The following TOX2 variants were observed in gnomAD, a reference collection of about 807,000 sequenced individuals.
The protein encoded by TOX2 is TOX high mobility group box family member 2, also known as granulosa cell HMG box 1.
Under a neutral mutation model 47.4 loss-of-function variants are expected in TOX2, and 15 were observed. That is an observed-to-expected ratio of 0.32 (90% CI 0.21 to 0.49). The LOEUF (loss-of-function observed/expected upper bound fraction) is 0.49. TOX2 is among the 20% of genes least tolerant of loss of function. The pLI, the probability that TOX2 is intolerant of heterozygous loss-of-function variation, is 0.99. For missense variants in TOX2, 622 were observed against 673.1 expected, an observed-to-expected ratio of 0.92 and a Z score of 0.84; for synonymous variants, 290 against 296.6, an observed-to-expected ratio of 0.98 and a Z score of 0.23.
At chr20:44,037,507 G>A (rs1377231957) in intron 3 of TOX2, among the ~76,000 whole-genome samples, 1 of 152,088 alleles carries the variant, frequency 6.6e-6, no homozygotes, top group Non-Finnish European at 1.5e-5. Context: ...GCAGAATTCT[G>A]GCTTTCCCAC....
chr20:44,039,956 G>C (rs578130659), intron 3 of TOX2, among the ~76,000 whole-genome samples: 1 of 152,176 alleles, frequency 6.6e-6, no homozygotes, highest in Non-Finnish European at 1.5e-5. Context: ...GCCGAGGGCC[G>C]GGGGGCAGGG....
intron 1 of TOX2, among the ~76,000 whole-genome samples, chr20:43,972,590 G>A (rs1243467985): frequency 6.6e-6 from 1 of 152,196 alleles, no homozygotes; most frequent in Admixed American, 6.5e-5. Context: ...CATCCTATGA[G>A]GAGGGGCCTA....
At chr20:44,064,124 T>A (rs966868470) in intron 5 of TOX2, among the ~76,000 whole-genome samples, 5 of 152,124 alleles carry the variant, frequency 3.3e-5, no homozygotes, top group South Asian at 2.1e-4. Flanking sequence ...ACAAAAAAAA[T>A]TTTTAAATAA....
At chr20:43,971,823 G>C (rs1321733103) in intron 1 of TOX2, among the ~76,000 whole-genome samples, 1 of 152,146 alleles carries the variant, frequency 6.6e-6, no homozygotes, top group Non-Finnish European at 1.5e-5. Flanking sequence ...GAAAAATAAA[G>C]TGCAAAACTG....
intron 3 of TOX2, among the ~76,000 whole-genome samples, chr20:44,011,556 A>C (rs1309024896): frequency 6.6e-6 from 1 of 152,222 alleles, no homozygotes; most frequent in Non-Finnish European, 1.5e-5. Flanking sequence ...TGCAGCTCTT[A>C]AACAGCAAGG....
At chr20:43,972,148 G>C (rs1025219550) in intron 1 of TOX2, among the ~76,000 whole-genome samples, 1 of 152,196 alleles carries the variant, frequency 6.6e-6, no homozygotes, top group African/African-American at 2.4e-5. Flanking sequence ...AGCCAGTATA[G>C]TTCTCTGAAG....
chr20:43,964,076 T>G (rs1373888511), intron 1 of TOX2, among the ~76,000 whole-genome samples: 1 of 151,614 alleles, frequency 6.6e-6, no homozygotes, highest in African/African-American at 2.4e-5. Context: ...ATGAGAAAAC[T>G]GAGACACAGT....
intron 1 of TOX2, among the ~76,000 whole-genome samples, chr20:43,968,964 G>A (rs2069910679): frequency 6.6e-6 from 1 of 152,214 alleles, no homozygotes; most frequent in Non-Finnish European, 1.5e-5. Flanking sequence ...TGAAGTTCAT[G>A]TGCATCTTTG....
intron 1 of TOX2, among the ~76,000 whole-genome samples, chr20:43,941,270 G>C (rs2069398702): frequency 6.6e-6 from 1 of 151,870 alleles, no homozygotes; most frequent in Non-Finnish European, 1.5e-5. Context: ...GAGAGTCCCA[G>C]GGTTAATATC....
chr20:43,955,969 A>G (rs959265860), intron 1 of TOX2, among the ~76,000 whole-genome samples: 1 of 152,102 alleles, frequency 6.6e-6, no homozygotes, highest in African/African-American at 2.4e-5. Context: ...CTCCCTTGTG[A>G]TAAGGCCCTG....
In TOX2 at chr20:44,066,844, A is replaced by G. The variant is rs1206686797; in HGVS notation, c.1471A>G (p.Ile491Val). ...CAGCTACCCCAGTGGGGAGTGTGGC[A>G]TCAGCACCTGCAGGTTAGTCCTCGC... ...DSSYPSGECG[I>V]STCSLLPRDK... is the part of the protein sequence containing the mutation. Residue 491 changes from isoleucine (I) to valine (V), a missense_variant, in exon 8 of 9, where the codon ATC becomes GTC. Physicochemically the swap from Ile to Val is conservative, Grantham distance 29. This residue lies in a region of TOX2 where 294 missense variants were observed against 300.0 expected (regional missense o/e 0.98). Coordinates refer to ENST00000341197, the MANE Select transcript of TOX2 (RefSeq NM_001098797.2). 1.2e-6 allele frequency: 2 copies of G among 1,613,898 alleles called. No individual in the cohort carries two copies. The highest frequency in any genetic ancestry group is 2.2e-5 in the East Asian group (1 of 44,874).
intron 1 of TOX2, among the ~76,000 whole-genome samples, chr20:43,961,477 A>C (rs1296709565): frequency 1.3e-5 from 2 of 152,192 alleles, no homozygotes; most frequent in East Asian, 3.9e-4. Context: ...AGCCACGCAG[A>C]GGCCTTACCC....
intron 3 of TOX2, among the ~76,000 whole-genome samples, chr20:44,026,246 T>C (rs1220692747): frequency 9.7e-6 from 1 of 102,940 alleles, no homozygotes; most frequent in Non-Finnish European, 2.0e-5. Flanking sequence ...TATATATATA[T>C]ATAGACACAC....
chr20:44,022,076 C>T (rs1276363203), intron 3 of TOX2, among the ~76,000 whole-genome samples: 2 of 152,232 alleles, frequency 1.3e-5, no homozygotes, highest in Non-Finnish European at 2.9e-5. Flanking sequence ...GCGTCCACAG[C>T]ACAAGTGAGC....
rs574637789 is a variant in TOX2 at position 43,915,879 on chromosome 20, C to T, written c.99+889C>T. ...ATCTATCCCCCCACCCCAGCCAGGT[C>T]CCAGCTGCGCTGCGCCGGGCGCATT... is the stretch of plus-strand genomic sequence containing the variant. On this transcript the variant is annotated intron_variant, in intron 1 of 8. Coordinates refer to ENST00000341197, the MANE Select transcript of TOX2 (RefSeq NM_001098797.2). The surrounding 1 kb of genome is among the most constrained non-coding windows in gnomAD (Gnocchi z 7.1). Among the ~76,000 whole-genome samples, 55 of 152,362 alleles carry T rather than the reference C, an allele frequency of 3.6e-4. No individual in the cohort carries two copies. The highest frequency in any genetic ancestry group is 6.5e-4 in the Non-Finnish European group (44 of 68,028).
chr20:44,012,808 T>G (rs2070801089), intron 3 of TOX2, among the ~76,000 whole-genome samples: 2 of 152,240 alleles, frequency 1.3e-5, no homozygotes, highest in African/African-American at 4.8e-5. Flanking sequence ...ATCACTGGCC[T>G]AAGGGGGCTC....
chr20:43,993,023 T>C (rs1237165866), intron 2 of TOX2, among the ~76,000 whole-genome samples: 1 of 151,970 alleles, frequency 6.6e-6, no homozygotes, highest in Non-Finnish European at 1.5e-5. Context: ...TGGCTCGAGA[T>C]GGGAACCTGG....
intron 3 of TOX2, among the ~76,000 whole-genome samples, chr20:44,023,436 A>G (rs1372459939): frequency 1.1e-4 from 16 of 151,338 alleles, no homozygotes; most frequent in African/African-American, 3.9e-4. Flanking sequence ...TCTCAGAAAA[A>G]AAAAAAAAAA....
At chr20:44,036,445 A>C (rs1394978274) in intron 3 of TOX2, among the ~76,000 whole-genome samples, 2 of 152,236 alleles carry the variant, frequency 1.3e-5, no homozygotes, top group Admixed American at 1.3e-4. Context: ...TCTGAGCCTC[A>C]GTTTCCTCAT....
Sources: gnomAD v4.1 joint callset for allele counts (sites outside exome capture counted in the v4.1 genomes callset) on GRCh38, gnomAD v4.1.1 for gene constraint, gnomAD v4.1.1 regional missense constraint, Gnocchi (gnomAD v3.1) non-coding constraint, MANE v1.5 for transcripts, NCBI Gene and HGNC (gene_info 2026-07-23, HGNC 2026-07-21) for gene names.